The following NUP205 variants were observed in gnomAD, a reference collection of about 807,000 sequenced individuals.
The protein encoded by NUP205 is nucleoporin 205.
NUP205 carries 76 observed loss-of-function variants against 253.8 expected under a neutral mutation model. The ratio of observed to expected loss-of-function variants is 0.30; its 90% CI spans 0.25 to 0.36. NUP205 has a LOEUF of 0.36. Ranked by LOEUF, NUP205 falls within the 10% of genes least tolerant of loss-of-function variation. NUP205 has a pLI of 1.00. For missense variants in NUP205, 2,162 were observed against 2,425.5 expected (o/e 0.89, Z 2.28); for synonymous variants, 832 against 850.1 (o/e 0.98, Z 0.37).
intron 1 of NUP205, among the ~76,000 whole-genome samples, chr7:135,570,682 A>ATAT (rs1563109886): frequency 2.3e-5 from 2 of 87,054 alleles, no homozygotes; most frequent in Non-Finnish European, 4.4e-5. Context: ...AATATATATT[A>ATAT]ATTATATTAA....
intron 2 of NUP205, 74 bp downstream of exon 2, chr7:135,571,321 CTT>C: frequency 9.0e-6 from 8 of 887,324 alleles, no homozygotes; most frequent in South Asian, 3.8e-5. Context: ...AAACTCTTTT[CTT>C]TTTTTTTTAA....
At chr7:135,570,766 T>C (rs1474569064) in intron 1 of NUP205, among the ~76,000 whole-genome samples, 2 of 88,314 alleles carry the variant, frequency 2.3e-5, no homozygotes, top group African/African-American at 9.1e-5. Context: ...TTATATATTA[T>C]ATTAATATAT....
chr7:135,563,229 C>T (rs565850321), intron 1 of NUP205, among the ~76,000 whole-genome samples: 50 of 152,072 alleles, frequency 3.3e-4, no homozygotes, highest in African/African-American at 1.2e-3. Flanking sequence ...ACTCTGTAGC[C>T]CAGGCTGGAG....
Position 135,619,080 on chromosome 7 carries a change from T to C in NUP205, c.3964-343T>C, listed in dbSNP as rs572288506. Among the ~76,000 whole-genome samples the C allele has an allele frequency of 6.6e-5, 10 of 152,312 alleles. 1 individual carries two copies. In the South Asian group the frequency reaches 8.3e-4, roughly 13 times the overall value. On this transcript the variant is annotated intron_variant, in intron 28 of 42. Transcript: ENST00000285968. ...GCTAAATGTATATAAAACTTGTTAA[T>C]GGGCTGTGTGCAGTGATTCATGCCT...
intron 13 of NUP205, among the ~76,000 whole-genome samples, chr7:135,596,830 G>T (rs6979117): frequency 6.6e-6 from 1 of 151,382 alleles, no homozygotes; most frequent in Non-Finnish European, 1.5e-5. Context: ...GGTGGCGCAC[G>T]TCTGTAATCC....
rs1794978921 is a variant in NUP205 at position 135,644,951 on chromosome 7, T to C, written c.5616T>C (p.Tyr1872=). Residue 1872 remains tyrosine, a synonymous_variant, in exon 40 of 43, where the codon TAT becomes TAC. Transcript: ENST00000285968. ...GVDKISTAQK[Y]VLARRRLVKV... is the part of the protein sequence containing the mutation. ...ATAAAATCTCCACTGCTCAGAAATA[T>C]GTTCTAGCAAGACGGCGCTTGGTGA... 14 of 1,614,168 alleles carry C rather than the reference T, an allele frequency of 8.7e-6. No individual in the cohort carries two copies. Among genetic ancestry groups the C allele is most frequent in the Non-Finnish European group, 1.1e-5 (13 of 1,179,994 alleles).
intron 1 of NUP205, among the ~76,000 whole-genome samples, chr7:135,569,704 G>A (rs1448891826): frequency 6.6e-6 from 1 of 151,918 alleles, no homozygotes; most frequent in East Asian, 1.9e-4. Flanking sequence ...CACAGCACAA[G>A]TTTAGTCATT....
intron 16 of NUP205, 135 bp downstream of exon 16, chr7:135,601,104 T>A: frequency 3.3e-6 from 2 of 604,544 alleles, no homozygotes; most frequent in East Asian, 2.9e-5. Context: ...TTAATCATTT[T>A]AATTTTTCTG....
chr7:135,605,131 C>T (rs1794059988), intron 19 of NUP205, among the ~76,000 whole-genome samples: 1 of 152,124 alleles, frequency 6.6e-6, no homozygotes, highest in Admixed American at 6.5e-5. Flanking sequence ...TCTCAGCTCA[C>T]TGCAGCCTCT....
At chr7:135,623,682 T>C (rs1794522458) in intron 31 of NUP205, among the ~76,000 whole-genome samples, 1 of 152,238 alleles carries the variant, frequency 6.6e-6, no homozygotes, top group Non-Finnish European at 1.5e-5. Flanking sequence ...GAAAATTATG[T>C]AGCAAAATTA....
At chr7:135,623,116 A>C (rs1486689973) in intron 31 of NUP205, among the ~76,000 whole-genome samples, 191 bp downstream of exon 31, 1 of 152,084 alleles carries the variant, frequency 6.6e-6, no homozygotes, top group East Asian at 1.9e-4. Context: ...CGTCTCTACA[A>C]AAAATACAAA....
At chr7:135,628,802 C>T (rs989033784) in intron 34 of NUP205, among the ~76,000 whole-genome samples, 1 of 152,196 alleles carries the variant, frequency 6.6e-6, no homozygotes, top group Non-Finnish European at 1.5e-5. Flanking sequence ...GCTTTCTCTA[C>T]CATCAGGCCT....
At chr7:135,600,202 A>G (rs10257895) in intron 15 of NUP205, among the ~76,000 whole-genome samples, 48,879 of 152,096 alleles carry the variant, frequency 0.32, 8,302 homozygotes, top group Middle Eastern at 0.48. Context: ...GCAGTTGTAT[A>G]TAATTTTTTT....
At chr7:135,606,959 T>G (rs1461111514) in intron 21 of NUP205, 44 bp downstream of exon 21, 1 of 1,565,042 alleles carries the variant, frequency 6.4e-7, no homozygotes, top group Non-Finnish European at 8.8e-7. Flanking sequence ...TCCATATTTG[T>G]GTATCTCAGG....
intron 22 of NUP205, among the ~76,000 whole-genome samples, chr7:135,612,194 A>G (rs145695657): frequency 1.2e-3 from 190 of 152,326 alleles, no homozygotes; most frequent in African/African-American, 4.4e-3. Context: ...TATTCACAGT[A>G]GTTGTGTTTT....
Position 135,584,993 on chromosome 7 carries a change from C to T in NUP205, c.1204C>T (p.Leu402Phe). 1 of 1,610,946 alleles carries T rather than the reference C, an allele frequency of 6.2e-7. No homozygotes were observed. The highest frequency in any genetic ancestry group is 8.5e-7 in the Non-Finnish European group (1 of 1,177,460). ...TAATCTCATCACAGATTTCCTTGCA[C>T]TTATGCCAATGAAGGTAAGTGTAAT... Reference protein sequence around the residue: ...VHNLITDFLALMPMKVKQLRN... With the variant: ...VHNLITDFLAFMPMKVKQLRN... The change falls in exon 8 of 43, where the codon CTT becomes TTT. Residue 402 changes from leucine (L) to phenylalanine (F), a missense_variant. Leu to Phe is a conservative substitution (Grantham distance 22, BLOSUM62 0). Around this residue, in one of 5 missense-constraint regions of NUP205, gnomAD observed 892 missense variants for 957.1 expected, o/e 0.93. Transcript: ENST00000285968.
intron 22 of NUP205, among the ~76,000 whole-genome samples, chr7:135,612,045 G>A (rs569976046): frequency 1.1e-3 from 170 of 152,226 alleles, no homozygotes; most frequent in African/African-American, 3.4e-3. Flanking sequence ...GCATGAACCC[G>A]GGACGTGGAG....
At chr7:135,572,871 T>C (rs1056320663) in intron 2 of NUP205, among the ~76,000 whole-genome samples, 1 of 151,820 alleles carries the variant, frequency 6.6e-6, no homozygotes, top group Non-Finnish European at 1.5e-5. Flanking sequence ...TTTTCTTTTA[T>C]ATACAGCAAG....
Position 135,637,923 on chromosome 7 carries a change from C to T in NUP205, c.5137-8C>T. 2 of 1,596,566 alleles carry T rather than the reference C, an allele frequency of 1.3e-6. No individual in the cohort carries two copies. Among genetic ancestry groups the T allele is most frequent in the Non-Finnish European group, 8.5e-7 (1 of 1,175,256 alleles). On this transcript the variant is annotated splice_polypyrimidine_tract_variant and splice_region_variant and intron_variant, in intron 36 of 42. Coordinates refer to ENST00000285968, the MANE Select transcript of NUP205 (RefSeq NM_015135.3). ...AATACATTTAACAAGATATCTTTTT[C>T]TTGTTAGCGCCAGTGCTTAGGACTA...
Sources: allele counts gnomAD v4.1 joint callset (sites outside exome capture counted in the v4.1 genomes callset), GRCh38; gene constraint gnomAD v4.1.1; regional missense constraint gnomAD v4.1.1; transcripts MANE v1.5; gene names NCBI Gene and HGNC (gene_info 2026-07-23, HGNC 2026-07-21).